DOCK3: variants seen among roughly 807,000 people sequenced by gnomAD.
The protein encoded by DOCK3 is dedicator of cytokinesis protein 3.
In DOCK3, 60 loss-of-function variants were observed where a neutral mutation model predicts 265.6. The ratio of observed to expected loss-of-function variants is 0.23; its 90% CI spans 0.18 to 0.28. DOCK3 has a LOEUF of 0.28. Ranked by LOEUF, DOCK3 falls within the 10% of genes least tolerant of loss-of-function variation. The pLI, the probability that DOCK3 is intolerant of heterozygous loss-of-function variation, is 1.00. For missense variants in DOCK3, 1,981 were observed against 2,594.3 expected (o/e 0.76, Z 5.14); for synonymous variants, 881 against 938.0 (o/e 0.94, Z 1.11).
intron 1 of DOCK3, among the ~76,000 whole-genome samples, chr3:50,765,882 C>CT (rs1372126653): frequency 6.6e-6 from 1 of 152,146 alleles, no homozygotes; most frequent in Non-Finnish European, 1.5e-5. Flanking sequence ...CTAACTGCAA[C>CT]TTTGTTTGAC....
chr3:51,144,293 A>G (rs756156877), intron 9 of DOCK3, among the ~76,000 whole-genome samples: 3 of 152,106 alleles, frequency 2.0e-5, no homozygotes, highest in Non-Finnish European at 4.4e-5. Context: ...TACTCCTCAC[A>G]CTGGCATCTT....
At chr3:51,072,779 C>A (rs141962399) in intron 6 of DOCK3, among the ~76,000 whole-genome samples, 39 of 152,056 alleles carry the variant, frequency 2.6e-4, no homozygotes, top group African/African-American at 9.2e-4. Flanking sequence ...AATAATAATG[C>A]ACTACAGCCT....
At chr3:50,970,432 A>G (rs1188394250) in intron 5 of DOCK3, among the ~76,000 whole-genome samples, 1 of 152,066 alleles carries the variant, frequency 6.6e-6, no homozygotes, top group Non-Finnish European at 1.5e-5. Context: ...TTTATAACAC[A>G]TAGGTTTGGA....
chr3:50,907,865 T>C (rs2049617113), intron 4 of DOCK3, among the ~76,000 whole-genome samples: 1 of 152,092 alleles, frequency 6.6e-6, no homozygotes, highest in East Asian at 1.9e-4. Flanking sequence ...CTGGTTTGGA[T>C]GGTAGGCTAT....
At chr3:51,155,171 C>T (rs926054129) in intron 10 of DOCK3, among the ~76,000 whole-genome samples, 2 of 151,744 alleles carry the variant, frequency 1.3e-5, no homozygotes, top group Non-Finnish European at 2.9e-5. Context: ...TGGCGTCTTG[C>T]TATTTTGCCC....
At chr3:51,025,781 A>C (rs907581569) in intron 5 of DOCK3, among the ~76,000 whole-genome samples, 1 of 152,204 alleles carries the variant, frequency 6.6e-6, no homozygotes, top group Non-Finnish European at 1.5e-5. Flanking sequence ...AATGCCTGCA[A>C]GCCCCTTCCC....
chr3:51,226,700 G>C (rs555750220), intron 15 of DOCK3, among the ~76,000 whole-genome samples: 5 of 152,282 alleles, frequency 3.3e-5, no homozygotes, highest in Admixed American at 1.3e-4. Flanking sequence ...TGGCTTATGT[G>C]GCCCAAAGCT....
At chr3:50,690,625 GTTCATTCATTCATTCA>G (rs375895436) in intron 1 of DOCK3, among the ~76,000 whole-genome samples, 3 of 151,484 alleles carry the variant, frequency 2.0e-5, no homozygotes, top group African/African-American at 7.3e-5. Flanking sequence ...TCGTTCGTTC[GTTCATTCATTCATTCA>G]TTCATTCATT....
intron 12 of DOCK3, among the ~76,000 whole-genome samples, chr3:51,166,939 C>T (rs1351949445): frequency 6.6e-6 from 1 of 152,162 alleles, no homozygotes; most frequent in Non-Finnish European, 1.5e-5. Flanking sequence ...TTGATTGTTT[C>T]CTTTGCTGTG....
chr3:51,194,995 T>G (rs2107897675), intron 12 of DOCK3, among the ~76,000 whole-genome samples: 1 of 152,054 alleles, frequency 6.6e-6, no homozygotes, highest in South Asian at 2.1e-4. Flanking sequence ...CAGCTAATTT[T>G]TTTGTATTTT....
intron 4 of DOCK3, among the ~76,000 whole-genome samples, chr3:50,891,148 C>T (rs1023100480): frequency 2.6e-5 from 4 of 152,066 alleles, no homozygotes; most frequent in Non-Finnish European, 5.9e-5. Context: ...TTTACAGGAA[C>T]AGCAGGAAAC....
At chr3:51,220,650 C>A (rs1186725105) in intron 14 of DOCK3, among the ~76,000 whole-genome samples, 4 of 44,816 alleles carry the variant, frequency 8.9e-5, no homozygotes, top group Non-Finnish European at 1.7e-4. Flanking sequence ...GAGCAAGACT[C>A]CATCTCAAAA....
intron 5 of DOCK3, among the ~76,000 whole-genome samples, chr3:50,989,116 C>G (rs1014704287): frequency 6.6e-6 from 1 of 152,182 alleles, no homozygotes; most frequent in Non-Finnish European, 1.5e-5. Context: ...GCACCGCCCC[C>G]TACTGCTTGT....
rs1435923538 is a variant in DOCK3 at position 51,110,361 on chromosome 3, ACAC to A, written c.746+19992_746+19994del. Among the ~76,000 whole-genome samples, 12 of 152,028 alleles carry A rather than the reference ACAC, an allele frequency of 7.9e-5. No individual in the cohort carries two copies. In the East Asian group the frequency reaches 1.3e-3, roughly 17 times the overall value. On this transcript the variant is annotated intron_variant, in intron 9 of 52. Coordinates refer to ENST00000266037, the MANE Select transcript of DOCK3 (RefSeq NM_004947.5). ...TCTGATACCAAAACCTGGCAGAGACACACCACCACCACCACCAACAACAACAGA... is the reference window on the plus strand; with the variant it reads ...TCTGATACCAAAACCTGGCAGAGACACACCACCACCACCAACAACAACAGA...
chr3:50,805,024 A>T (rs2043329383), intron 2 of DOCK3, among the ~76,000 whole-genome samples: 1 of 152,102 alleles, frequency 6.6e-6, no homozygotes, highest in Admixed American at 6.5e-5. Context: ...TTTTCTTATG[A>T]TTGAGATCTG....
At chr3:51,198,090 C>T (rs1020984735) in intron 12 of DOCK3, among the ~76,000 whole-genome samples, 1 of 152,226 alleles carries the variant, frequency 6.6e-6, no homozygotes, top group African/African-American at 2.4e-5. Flanking sequence ...TTCTGTCATG[C>T]CTCAGTCCTG....
In DOCK3 at chr3:51,054,695, G is replaced by C. The variant is rs115180499; in HGVS notation, c.316-9753G>C. On this transcript the variant is annotated intron_variant, in intron 5 of 52. Transcript: ENST00000266037. The stretch of plus-strand genomic sequence containing the variant: ...ACCTTTTCATTCTGCTTTCAGGCAG[G>C]ATTCCTCAATTTTGTGTTCCATTAT... Among the ~76,000 whole-genome samples the C allele has an allele frequency of 2.7e-3, 414 of 152,120 alleles. 1 individual carries two copies. The highest frequency in any genetic ancestry group is 9.6e-3 in the African/African-American group (398 of 41,504).
At chr3:51,207,326 A>G (rs2089273587) in intron 12 of DOCK3, among the ~76,000 whole-genome samples, 1 of 152,198 alleles carries the variant, frequency 6.6e-6, no homozygotes, top group South Asian at 2.1e-4. Context: ...CCACCAAGGT[A>G]CCAGTGAGTA....
At chr3:50,982,875 AGTGGGAGGGAGTGG>A (rs760836849) in intron 5 of DOCK3, among the ~76,000 whole-genome samples, 1 of 151,138 alleles carries the variant, frequency 6.6e-6, no homozygotes, top group Non-Finnish European at 1.5e-5. Flanking sequence ...TGCTCCACTG[AGTGGGAGGGAGTGG>A]GTGGGAGCCC....
Sources: allele counts gnomAD v4.1 joint callset (sites outside exome capture counted in the v4.1 genomes callset), GRCh38; gene constraint gnomAD v4.1.1; transcripts MANE v1.5; gene names NCBI Gene and HGNC (gene_info 2026-07-23, HGNC 2026-07-21).